Variants in SSU72 observed in about 807,000 individuals in gnomAD.
SSU72 encodes the protein SSU72 homolog, RNA polymerase II CTD phosphatase, also known as RNA polymerase II subunit A C-terminal domain phosphatase SSU72.
SSU72 carries 12 observed loss-of-function variants against 22.7 expected under a neutral mutation model. That is an observed-to-expected ratio of 0.53 (90% CI 0.34 to 0.86). The LOEUF (loss-of-function observed/expected upper bound fraction) is 0.86. SSU72 is among the 40% of genes least tolerant of loss of function. The probability of loss-of-function intolerance (pLI) is 0.02; values close to 1 mark genes in which losing one functional copy is unlikely to be tolerated. For missense variants in SSU72, 151 were observed against 249.8 expected, an observed-to-expected ratio of 0.60 and a Z score of 2.67; for synonymous variants, 116 against 98.3, an observed-to-expected ratio of 1.18 and a Z score of -1.06.
At chr1:1,565,128 AGGCG>A (rs1642643485) in intron 1 of SSU72, among the ~76,000 whole-genome samples, 1 of 151,818 alleles carries the variant, frequency 6.6e-6, no homozygotes, top group African/African-American at 2.4e-5. Flanking sequence ...TCATGAAGGC[AGGCG>A]GATCATGAAG....
intron 2 of SSU72, chr1:1,564,385 G>GGCACGCAC: frequency 7.8e-7 from 1 of 1,279,972 alleles, no homozygotes; most frequent in East Asian, 2.6e-5. Flanking sequence ...ATGTGTATCA[G>GGCACGCAC]GCACGCACGC....
chr1:1,570,289 A>G (rs1642711546), intron 1 of SSU72, among the ~76,000 whole-genome samples: 1 of 100,236 alleles, frequency 1.0e-5, no homozygotes, highest in African/African-American at 9.0e-5. Flanking sequence ...GCTTGAAAAA[A>G]AAAACAAAAA....
At chr1:1,567,681 C>T (rs1642678086) in intron 1 of SSU72, among the ~76,000 whole-genome samples, 1 of 152,080 alleles carries the variant, frequency 6.6e-6, no homozygotes, top group Admixed American at 6.6e-5. Context: ...CAAACAAGGG[C>T]CGGACGCGGT....
At chr1:1,567,952 AG>A (rs1642682690) in intron 1 of SSU72, among the ~76,000 whole-genome samples, 1 of 148,710 alleles carries the variant, frequency 6.7e-6, no homozygotes, top group African/African-American at 2.5e-5. Flanking sequence ...GCCCAGGATC[AG>A]CGTGATCACA....
chr1:1,556,455 C>T (rs1018592660), intron 2 of SSU72, among the ~76,000 whole-genome samples: 8 of 152,036 alleles, frequency 5.3e-5, no homozygotes, highest in South Asian at 2.1e-4. Flanking sequence ...GCAGGAGAAT[C>T]GCTTGAACCC....
chr1:1,571,433 A>C (rs1035474523), intron 1 of SSU72, among the ~76,000 whole-genome samples: 1 of 118,826 alleles, frequency 8.4e-6, no homozygotes, highest in Non-Finnish European at 1.6e-5. Flanking sequence ...TCCGACTTCA[A>C]CAAAAAAAAA....
intron 2 of SSU72, chr1:1,545,936 G>A (rs1642384211): frequency 1.3e-5 from 2 of 152,406 alleles, no homozygotes; most frequent in African/African-American, 4.8e-5. Context: ...TTGGCGTCCA[G>A]CCCAGCTGAA....
chr1:1,574,419 G>T lies in SSU72; in HGVS notation c.80+59C>A, dbSNP rs536988576. 11 of 1,527,120 alleles carry T rather than the reference G, an allele frequency of 7.2e-6. No individual in the cohort carries two copies. The Admixed American group carries it at 9.7e-5, about 13-fold the overall frequency. The allele number at this position is 1,527,120 out of a possible 1,614,324, so 94.6% of individuals were successfully genotyped here. On this transcript the variant is annotated intron_variant, in intron 1 of 4. Transcript: ENST00000291386. ...CTGGCGCGGGCCAGGGGGAACCGGG[G>T]AGGAGGGAGGGCCGGTCGCCGGAGC...
Position 1,541,797 on chromosome 1 carries a change from G to A in SSU72, c.*269C>T, listed in dbSNP as rs973286792. 10 of 448,236 alleles carry A rather than the reference G, an allele frequency of 2.2e-5. No individual in the cohort carries two copies. Among genetic ancestry groups the A allele is most frequent in the African/African-American group, 6.0e-5 (3 of 49,962 alleles). The allele number at this position is 448,236 out of a possible 1,614,324, so 27.8% of individuals were successfully genotyped here. On this transcript the variant is annotated 3_prime_UTR_variant, in exon 5 of 5. Coordinates refer to ENST00000291386, the MANE Select transcript of SSU72 (RefSeq NM_014188.3). ...AGGCACACGAAGACACAGGTATGTC[G>A]GGAAGTGCACACAAACCGTTGTCTT...
At chr1:1,545,767 CTG>C (rs995056688) in intron 2 of SSU72, 7 of 152,000 alleles carry the variant, frequency 4.6e-5, no homozygotes, top group African/African-American at 1.7e-4. Context: ...CAGAGCAAGA[CTG>C]TCTCAAAAAG....
At chr1:1,563,659 C>T (rs1363231845) in intron 2 of SSU72, 1 of 152,198 alleles carries the variant, frequency 6.6e-6, no homozygotes, top group Non-Finnish European at 1.5e-5. Flanking sequence ...TAAGACCAGC[C>T]TGGCCAACAT....
chr1:1,567,147 C>T (rs770510479), intron 1 of SSU72, among the ~76,000 whole-genome samples: 8 of 152,218 alleles, frequency 5.3e-5, no homozygotes, highest in Non-Finnish European at 1.0e-4. Context: ...CAGGACAGGC[C>T]ATGCGGCTCC....
At chr1:1,566,076 C>T (rs1480096247) in intron 1 of SSU72, among the ~76,000 whole-genome samples, 1 of 150,008 alleles carries the variant, frequency 6.7e-6, no homozygotes, top group East Asian at 2.0e-4. Context: ...GGCCAGGAGG[C>T]GAAACCCCAG....
Position 1,574,850 on chromosome 1 carries a change from C to T in SSU72, c.-293G>A, listed in dbSNP as rs914601946. 1 of 360,950 alleles carries T rather than the reference C, an allele frequency of 2.8e-6. No individual in the cohort carries two copies. Among genetic ancestry groups the T allele is most frequent in the Non-Finnish European group, 5.5e-6 (1 of 183,408 alleles). 22.4% of individuals were successfully genotyped at this position (360,950 alleles called of 1,614,324 possible). ...GCAGAGACCCGCACTCCACAAGGCC[C>T]GGCTGAGCGTCACGGCGCCAAGCGG... is the stretch of plus-strand genomic sequence containing the variant. On this transcript the variant is annotated 5_prime_UTR_variant, in exon 1 of 5. Transcript: ENST00000291386.
In SSU72 at chr1:1,542,824, G is replaced by A. The variant is rs1274536297; in HGVS notation, c.484-657C>T. On this transcript the variant is annotated intron_variant, in intron 4 of 4. Transcript: ENST00000291386. The surrounding 1 kb of genome is among the most constrained non-coding windows in gnomAD (Gnocchi z 4.4). Reference sequence around the variant, plus strand: ...CTTATGACCTTTTCTCCTGCCAGGCGATCATGAAGACCGTCCCTGGCGCTT... The same window carrying A: ...CTTATGACCTTTTCTCCTGCCAGGCAATCATGAAGACCGTCCCTGGCGCTT... Among the ~76,000 whole-genome samples, 1 of 152,170 alleles carries A rather than the reference G, an allele frequency of 6.6e-6. No individual in the cohort carries two copies. The highest frequency in any genetic ancestry group is 1.5e-5 in the Non-Finnish European group (1 of 68,036).
At position 1,554,033 on chromosome 1, in the gene SSU72, G is replaced by A. The variant is rs1251542419; in HGVS notation, c.225-9031C>T. Among the ~76,000 whole-genome samples, 1 of 152,228 alleles carries A rather than the reference G, an allele frequency of 6.6e-6. No homozygotes were observed. The highest frequency in any genetic ancestry group is 1.5e-5 in the Non-Finnish European group (1 of 68,034). ...AACTCAGCAGGTCCGGGGGACGTCAGGTGGCCACGGAGACCACGTGTCAGT... is the reference window on the plus strand; with the variant it reads ...AACTCAGCAGGTCCGGGGGACGTCAAGTGGCCACGGAGACCACGTGTCAGT... On this transcript the variant is annotated intron_variant, in intron 2 of 4. Coordinates refer to ENST00000291386, the MANE Select transcript of SSU72 (RefSeq NM_014188.3). This position sits in a 1 kb window ranked among gnomAD's most constrained non-coding sequence, Gnocchi z 4.1.
chr1:1,551,689 G>A (rs190155219), intron 2 of SSU72, among the ~76,000 whole-genome samples: 3 of 152,256 alleles, frequency 2.0e-5, no homozygotes, highest in East Asian at 3.9e-4. Flanking sequence ...GGACGCCAAC[G>A]GCCCAACCTA....
chr1:1,544,323 C>T (rs971849649), intron 3 of SSU72, among the ~76,000 whole-genome samples: 8 of 152,164 alleles, frequency 5.3e-5, no homozygotes, highest in Non-Finnish European at 8.8e-5. Context: ...AGGGTCCATC[C>T]GCTTGAAAAA....
chr1:1,562,261 TTTTC>T (rs35885836), intron 2 of SSU72: 70,907 of 151,862 alleles, frequency 0.47, 20,637 homozygotes, highest in East Asian at 0.86. Context: ...CACTCTCTGC[TTTTC>T]TTTCTCTTAC....
Sources: gnomAD v4.1 joint callset for allele counts (sites outside exome capture counted in the v4.1 genomes callset) on GRCh38, gnomAD v4.1.1 for gene constraint, Gnocchi (gnomAD v3.1) non-coding constraint, MANE v1.5 for transcripts, NCBI Gene and HGNC (gene_info 2026-07-23, HGNC 2026-07-21) for gene names.